The following RGS6 variants were observed in gnomAD, a reference collection of about 807,000 sequenced individuals.
RGS6 encodes the protein regulator of G protein signaling 6, also known as regulator of G-protein signaling 6.
In RGS6, 30 loss-of-function variants were observed where a neutral mutation model predicts 78.5. The observed-to-expected ratio is 0.38, with a 90% confidence interval of 0.29 to 0.52. The LOEUF (loss-of-function observed/expected upper bound fraction) is 0.52, where lower values mean the gene tolerates loss of function less well. Among genes scored for constraint, RGS6 ranks in the 20% least tolerant of loss-of-function variants. RGS6 has a pLI of 0.85. For synonymous variants in RGS6, 206 were observed against 206.0 expected (o/e 1.00, Z 0.00); for missense variants, 495 against 609.7 (o/e 0.81, Z 1.98).
intron 2 of RGS6, among the ~76,000 whole-genome samples, chr14:72,320,727 T>C (rs1321667087): frequency 2.0e-5 from 3 of 151,582 alleles, no homozygotes; most frequent in Non-Finnish European, 2.9e-5. Context: ...GCAGAAACTT[T>C]TGTTATAGAA....
intron 2 of RGS6, among the ~76,000 whole-genome samples, chr14:72,113,965 G>T (rs1036863668): frequency 9.2e-5 from 14 of 152,146 alleles, no homozygotes; most frequent in Admixed American, 5.9e-4. Flanking sequence ...TTTAAATTAG[G>T]CTATTAAAGT....
chr14:71,940,526 T>C (rs2090354186), intron 1 of RGS6, among the ~76,000 whole-genome samples: 2 of 152,198 alleles, frequency 1.3e-5, no homozygotes. Context: ...AGGAACACCA[T>C]GATTAATTAG....
chr14:72,563,183 A>T lies in RGS6; in HGVS notation c.*716A>T, dbSNP rs368554456. 37 of 211,192 alleles carry T rather than the reference A, an allele frequency of 1.8e-4. 1 individual carries two copies. The East Asian group carries it at 2.8e-3, about 16-fold the overall frequency. 13.1% of individuals were successfully genotyped at this position (211,192 alleles called of 1,614,324 possible). A position where few individuals can be genotyped will look rare whatever the true frequency, so the allele number is the denominator to read the frequency against. On this transcript the variant is annotated 3_prime_UTR_variant, in exon 18 of 18. Transcript: ENST00000553525. Reference sequence around the variant, plus strand: ...ACATGTCTCAAGGGTCCAGCGTTCGAGGAAGCACTGTTGTAGATGACAGAG... The same window carrying T: ...ACATGTCTCAAGGGTCCAGCGTTCGTGGAAGCACTGTTGTAGATGACAGAG...
chr14:72,146,046 T>A (rs2096602739), intron 2 of RGS6, among the ~76,000 whole-genome samples: 1 of 152,150 alleles, frequency 6.6e-6, no homozygotes, highest in Non-Finnish European at 1.5e-5. Context: ...AGTCCAAAGT[T>A]AATGGGCTGT....
At position 72,540,154 on chromosome 14, in the gene RGS6, CTTCT is replaced by C. The variant is rs757347602; in HGVS notation, c.1422+63_1422+66del. The C allele has an allele frequency of 4.4e-5, 65 of 1,484,518 alleles. No homozygotes were observed. In the East Asian group the frequency reaches 4.9e-4, roughly 11 times the overall value. 92.0% of individuals were successfully genotyped at this position (1,484,518 alleles called of 1,614,324 possible). On this transcript the variant is annotated intron_variant, in intron 17 of 17. Transcript: ENST00000553525. Reference sequence around the variant, plus strand: ...TTTTGGTTTTGGTTTTTTCTTTCTTCTTCTTTTTTTTTTTTTTCCCTTTGGTTGT... The same window carrying C: ...TTTTGGTTTTGGTTTTTTCTTTCTTCTTTTTTTTTTTTTCCCTTTGGTTGT...
At chr14:72,334,973 T>A (rs1425270279) in intron 2 of RGS6, among the ~76,000 whole-genome samples, 1 of 152,074 alleles carries the variant, frequency 6.6e-6, no homozygotes, top group African/African-American at 2.4e-5. Flanking sequence ...CTCCTATAAT[T>A]CCCTTGTGTC....
intron 2 of RGS6, among the ~76,000 whole-genome samples, chr14:72,140,717 C>G (rs1435591287): frequency 1.3e-5 from 2 of 152,230 alleles, no homozygotes. Context: ...TGAGATCACA[C>G]TGTGTTTGCC....
intron 17 of RGS6, among the ~76,000 whole-genome samples, chr14:72,555,432 C>T (rs999990989): frequency 6.6e-6 from 1 of 152,242 alleles, no homozygotes; most frequent in African/African-American, 2.4e-5. Context: ...TGAGGGGAAG[C>T]CGCTTCGCAG....
chr14:71,913,635 G>A, the RGS6 span, among the ~76,000 whole-genome samples: 1 of 152,228 alleles, frequency 6.6e-6, no homozygotes, highest in East Asian at 1.9e-4. Flanking sequence ...TCTGGCCGAT[G>A]AGACTTACGA....
chr14:71,927,439 G>GA (rs1396793675), upstream of RGS6, among the ~76,000 whole-genome samples: 2 of 151,216 alleles, frequency 1.3e-5, no homozygotes, highest in African/African-American at 2.4e-5. Flanking sequence ...ATTGCAAAGA[G>GA]AAAAAAAAAT....
intron 2 of RGS6, among the ~76,000 whole-genome samples, chr14:72,026,678 A>G (rs1192005713): frequency 6.6e-6 from 1 of 152,178 alleles, no homozygotes; most frequent in Non-Finnish European, 1.5e-5. Flanking sequence ...CATGCTTTCA[A>G]AGCCCTCTAA....
intron 3 of RGS6, among the ~76,000 whole-genome samples, chr14:72,418,303 A>C (rs951244957): frequency 2.0e-4 from 30 of 151,984 alleles, no homozygotes; most frequent in African/African-American, 7.0e-4. Context: ...AGTAGCTGGG[A>C]TAACAGGCAC....
intron 2 of RGS6, among the ~76,000 whole-genome samples, chr14:72,324,464 G>T (rs989601303): frequency 6.6e-6 from 1 of 151,864 alleles, no homozygotes; most frequent in African/African-American, 2.4e-5. Context: ...ACATTAACTC[G>T]CCATTTACAT....
chr14:71,960,578 C>T (rs1224572989), intron 1 of RGS6, among the ~76,000 whole-genome samples: 1 of 152,184 alleles, frequency 6.6e-6, no homozygotes, highest in African/African-American at 2.4e-5. Context: ...CGATAAAGTC[C>T]CTGCCTATGA....
chr14:72,041,792 G>A (rs888705339), intron 2 of RGS6, among the ~76,000 whole-genome samples: 3 of 152,108 alleles, frequency 2.0e-5, no homozygotes, highest in Non-Finnish European at 4.4e-5. Context: ...GTAAGTCTGT[G>A]GGGGGTGGGC....
intron 2 of RGS6, among the ~76,000 whole-genome samples, chr14:72,333,141 C>G (rs1278955242): frequency 1.3e-5 from 2 of 151,960 alleles, no homozygotes; most frequent in African/African-American, 4.8e-5. Flanking sequence ...CAGGTTCCCA[C>G]TCCTACCTCA....
intron 2 of RGS6, among the ~76,000 whole-genome samples, chr14:72,322,484 A>G (rs989080798): frequency 2.6e-5 from 4 of 152,074 alleles, no homozygotes; most frequent in Admixed American, 1.3e-4. Flanking sequence ...TACCAAACCT[A>G]TAAGGAAAAA....
intron 2 of RGS6, among the ~76,000 whole-genome samples, chr14:72,004,933 G>A (rs1424685578): frequency 6.6e-6 from 1 of 152,224 alleles, no homozygotes; most frequent in East Asian, 1.9e-4. Context: ...CTCCATTCAT[G>A]TGTCTACCAA....
At chr14:72,578,387 G>C in the RGS6 span, among the ~76,000 whole-genome samples, 1 of 152,116 alleles carries the variant, frequency 6.6e-6, no homozygotes, top group Non-Finnish European at 1.5e-5. Context: ...ATCAAATCCT[G>C]TGAAATCTGT....
Sources: gnomAD v4.1 joint callset for allele counts (sites outside exome capture counted in the v4.1 genomes callset) on GRCh38, gnomAD v4.1.1 for gene constraint, MANE v1.5 for transcripts, NCBI Gene and HGNC (gene_info 2026-07-23, HGNC 2026-07-21) for gene names.